LRRC75A: variants seen among roughly 807,000 people sequenced by gnomAD.
The protein encoded by LRRC75A is leucine rich repeat containing 75A.
LRRC75A carries 12 observed loss-of-function variants against 26.0 expected under a neutral mutation model. The ratio of observed to expected loss-of-function variants is 0.46; its 90% confidence interval spans 0.30 to 0.75. The LOEUF (loss-of-function observed/expected upper bound fraction) is 0.75, where lower values mean the gene tolerates loss of function less well. Among genes scored for constraint, LRRC75A ranks in the 30% least tolerant of loss-of-function variants. LRRC75A has a pLI of 0.08. For synonymous variants in LRRC75A, 223 were observed against 219.3 expected, an observed-to-expected ratio of 1.02 and a Z score of -0.15; for missense variants, 410 against 486.6, an observed-to-expected ratio of 0.84 and a Z score of 1.48.
intron 1 of LRRC75A, among the ~76,000 whole-genome samples, chr17:16,489,654 A>C (rs1348804756): frequency 6.6e-6 from 1 of 151,848 alleles, no homozygotes; most frequent in East Asian, 1.9e-4. Flanking sequence ...GCAAGTGAAC[A>C]CTCCTGTGCT....
chr17:16,486,501 G>A (rs751567828), intron 1 of LRRC75A, among the ~76,000 whole-genome samples: 3 of 152,178 alleles, frequency 2.0e-5, no homozygotes, highest in African/African-American at 2.4e-5. Flanking sequence ...GAAAAGCCTC[G>A]ATCCAGCCCA....
Position 16,491,799 on chromosome 17 carries a change from C to A in LRRC75A, c.192G>T (p.Met64Ile). 7.0e-7 allele frequency: 1 copy of A among 1,436,344 alleles called. No homozygotes were observed. Among genetic ancestry groups the A allele is most frequent in the East Asian group, 3.2e-5 (1 of 31,364 alleles). 89.0% of individuals were successfully genotyped at this position (1,436,344 alleles called of 1,614,324 possible). Residue 64 changes from methionine (M) to isoleucine (I), a missense_variant, in exon 1 of 4, where the codon ATG (methionine) becomes ATT (isoleucine). Coordinates refer to ENST00000470794, the MANE Select transcript of LRRC75A (RefSeq NM_001113567.3). This position sits in a 1 kb window ranked among gnomAD's most constrained non-coding sequence, Gnocchi z 5.9. ...RVGMVQELLR[M>I]VRQGRREEAG... The stretch of plus-strand genomic sequence containing the variant: ...CCTCCTCCCGCCGGCCCTGGCGCAC[C>A]ATCCGCAGCAGCTCCTGGACCATGC...
At position 16,444,103 on chromosome 17, in the gene LRRC75A, G is replaced by A; in HGVS notation, c.520C>T (p.Pro174Ser). The change falls in exon 4 of 4, where the codon CCA becomes TCA. Residue 174 changes from proline (P) to serine (S), a missense_variant. Physicochemically the swap from Pro to Ser is moderately conservative, Grantham distance 74. Coordinates refer to ENST00000470794, the MANE Select transcript of LRRC75A (RefSeq NM_001113567.3). ...CCCGACAGGTCCACTGTGTTGTCTGGGGGGCTTCCGGCCAGGACAGCCTTG... is the reference window on the plus strand; with the variant it reads ...CCCGACAGGTCCACTGTGTTGTCTGAGGGGCTTCCGGCCAGGACAGCCTTG... ...CLKAVLAGSPPDNTVDLSGIP... is the reference protein window; with the variant it reads ...CLKAVLAGSPSDNTVDLSGIP... 6.2e-7 allele frequency: 1 copy of A among 1,606,352 alleles called. No homozygotes were observed. The highest frequency in any genetic ancestry group is 1.7e-4 in the Middle Eastern group (1 of 6,040).
chr17:16,443,839 T>G lies in LRRC75A; in HGVS notation c.784A>C (p.Asn262His), dbSNP rs1178585145. Residue 262 changes from asparagine to histidine, a missense_variant, in exon 4 of 4, where the codon AAT becomes CAT. By Grantham distance (68) the Asn-to-His change is moderately conservative. Coordinates refer to ENST00000470794, the MANE Select transcript of LRRC75A (RefSeq NM_001113567.3). ...DILKDPSKFP[N>H]VTWIDLGNNV... ...TTGCCCAGGTCAATCCACGTGACAT[T>G]GGGGAACTTGCTGGGATCCTTAAGG... is the stretch of plus-strand genomic sequence containing the variant. 6.2e-7 allele frequency: 1 copy of G among 1,613,804 alleles called. No individual in the cohort carries two copies. The highest frequency in any genetic ancestry group is 1.3e-5 in the African/African-American group (1 of 74,916).
chr17:16,443,561 T>C lies in LRRC75A; in HGVS notation c.*27A>G. 1 of 1,483,082 alleles carries C rather than the reference T, an allele frequency of 6.7e-7. No homozygotes were observed. The highest frequency in any genetic ancestry group is 9.0e-7 in the Non-Finnish European group (1 of 1,108,904). The allele number at this position is 1,483,082 out of a possible 1,614,324, so 91.9% of individuals were successfully genotyped here. A position where few individuals can be genotyped will look rare whatever the true frequency, so the allele number is the denominator to read the frequency against. On this transcript the variant is annotated 3_prime_UTR_variant, in exon 4 of 4. Transcript: ENST00000470794. ...CTTGCCCATTCTACCCAACAAGGAC[T>C]CCCTGGTGAGGCCCTTCACTTCCAT...
intron 1 of LRRC75A, among the ~76,000 whole-genome samples, chr17:16,486,687 G>C (rs755557073): frequency 7.9e-5 from 12 of 152,216 alleles, no homozygotes; most frequent in Non-Finnish European, 1.5e-4. Flanking sequence ...ATCCCGTAGT[G>C]CCACAGAGCC....
At chr17:16,446,436 G>A (rs2143010306) in intron 3 of LRRC75A, among the ~76,000 whole-genome samples, 1 of 152,290 alleles carries the variant, frequency 6.6e-6, no homozygotes, top group East Asian at 1.9e-4. Context: ...GTAAGCATGG[G>A]CCATCAAAAG....
intron 2 of LRRC75A, among the ~76,000 whole-genome samples, chr17:16,451,911 A>C (rs1246601232): frequency 8.5e-6 from 1 of 117,114 alleles, no homozygotes; most frequent in East Asian, 2.1e-4. Context: ...TGCCCGGCTA[A>C]TTTTTTTGCA....
chr17:16,456,427 CAGA>C (rs1412914749), intron 2 of LRRC75A, among the ~76,000 whole-genome samples: 12 of 100,326 alleles, frequency 1.2e-4, no homozygotes, highest in African/African-American at 4.0e-4. Flanking sequence ...GGAAGAGGAG[CAGA>C]AGAAGGAAGA....
At chr17:16,479,520 C>T (rs1222636067) in intron 1 of LRRC75A, among the ~76,000 whole-genome samples, 1 of 152,222 alleles carries the variant, frequency 6.6e-6, no homozygotes, top group Admixed American at 6.5e-5. Flanking sequence ...CTGTGCCCAA[C>T]CAGACAGGCA....
At chr17:16,464,055 A>ACCTGCC (rs2093748982) in intron 1 of LRRC75A, 3 of 152,298 alleles carry the variant, frequency 2.0e-5, no homozygotes. Flanking sequence ...CTTGGAGCCC[A>ACCTGCC]ACTGCCAGCC....
chr17:16,475,831 G>A (rs2093818352), intron 1 of LRRC75A, among the ~76,000 whole-genome samples: 1 of 152,158 alleles, frequency 6.6e-6, no homozygotes, highest in African/African-American at 2.4e-5. Flanking sequence ...CGGATCACCT[G>A]AGGTCCAGAG....
chr17:16,491,844 G>A lies in LRRC75A; in HGVS notation c.147C>T (p.Pro49=). The part of the protein sequence containing the change: ...DKAGRAGAGM[P]PYHRRVGMVQ... ...CCATGCCGACTCGCCGGTGGTAGGG[G>A]GGCATCCCCGCGCCCGCGCGCCCCG... Residue 49 remains proline (P), a synonymous_variant, in exon 1 of 4, where the codon CCC becomes CCT. Transcript: ENST00000470794. This position sits in a 1 kb window ranked among gnomAD's most constrained non-coding sequence, Gnocchi z 5.9. 5.7e-6 allele frequency: 8 copies of A among 1,399,760 alleles called. No homozygotes were observed. The highest frequency in any genetic ancestry group is 7.5e-6 in the Non-Finnish European group (8 of 1,073,094). The allele number at this position is 1,399,760 out of a possible 1,614,324, so 86.7% of individuals were successfully genotyped here. A position where few individuals can be genotyped will look rare whatever the true frequency, so the allele number is the denominator to read the frequency against.
At chr17:16,450,043 T>A (rs1328960653) in intron 2 of LRRC75A, among the ~76,000 whole-genome samples, 3 of 152,148 alleles carry the variant, frequency 2.0e-5, no homozygotes, top group African/African-American at 7.2e-5. Context: ...TGGGGTGTGT[T>A]ACTGACATGA....
intron 2 of LRRC75A, chr17:16,461,051 C>T (rs992023815): frequency 2.0e-5 from 3 of 152,654 alleles, no homozygotes; most frequent in South Asian, 2.1e-4. Context: ...ACATTGTGCT[C>T]CTGACCCTGG....
chr17:16,475,006 A>C (rs928213177), intron 1 of LRRC75A, among the ~76,000 whole-genome samples: 4 of 151,974 alleles, frequency 2.6e-5, no homozygotes, highest in Non-Finnish European at 5.9e-5. Flanking sequence ...AAAAAAAAAA[A>C]AAAAAGAGAG....
rs181699972 is a variant in LRRC75A, at chr17:16,482,750, C to T, written c.246+8995G>A. ...ACTTGCCAGTCCTCTATGGCATCAGCGACTGCCCTGAGCCCTTCTAGAAAT... is the reference window on the plus strand; with the variant it reads ...ACTTGCCAGTCCTCTATGGCATCAGTGACTGCCCTGAGCCCTTCTAGAAAT... On this transcript the variant is annotated intron_variant, in intron 1 of 3. Transcript: ENST00000470794. Among the ~76,000 whole-genome samples the T allele has an allele frequency of 1.4e-3, 212 of 152,328 alleles. 1 individual carries two copies. The highest frequency in any genetic ancestry group is 4.7e-3 in the African/African-American group (197 of 41,554).
intron 1 of LRRC75A, among the ~76,000 whole-genome samples, chr17:16,472,135 A>G (rs2093808320): frequency 6.6e-6 from 1 of 152,108 alleles, no homozygotes; most frequent in Admixed American, 6.5e-5. Flanking sequence ...CAAGCAGAGG[A>G]GAGACACTCA....
intron 1 of LRRC75A, among the ~76,000 whole-genome samples, chr17:16,466,681 C>T (rs1290720985): frequency 6.6e-6 from 1 of 152,046 alleles, no homozygotes; most frequent in African/African-American, 2.4e-5. Context: ...TCCGAGCTGC[C>T]GGACCCAGCA....
Sources: allele counts gnomAD v4.1 joint callset (sites outside exome capture counted in the v4.1 genomes callset), GRCh38; gene constraint gnomAD v4.1.1; non-coding constraint Gnocchi (gnomAD v3.1); transcripts MANE v1.5; gene names NCBI Gene and HGNC (gene_info 2026-07-23, HGNC 2026-07-21).